CUEDC1: variants seen among roughly 807,000 people sequenced by gnomAD.
The protein encoded by CUEDC1 is CUE domain-containing protein 1.
Under a neutral mutation model 43.7 loss-of-function variants are expected in CUEDC1, and 30 were observed. The ratio of observed to expected loss-of-function variants is 0.69; its 90% CI spans 0.51 to 0.93. CUEDC1 has a LOEUF of 0.93. Ranked by LOEUF, CUEDC1 falls within the 40% of genes least tolerant of loss-of-function variation. The pLI, the probability that CUEDC1 is intolerant of heterozygous loss-of-function variation, is 0.00. For missense variants in CUEDC1, 486 were observed against 549.0 expected (o/e 0.89, Z 1.15); for synonymous variants, 223 against 223.6 (o/e 1.00, Z 0.02).
chr17:57,904,117 C>T (rs2074502558), intron 1 of CUEDC1, among the ~76,000 whole-genome samples: 1 of 152,072 alleles, frequency 6.6e-6, no homozygotes, highest in Admixed American at 6.5e-5. Context: ...AGATGAAAGA[C>T]ACCCCCTCAC....
At chr17:57,896,096 G>A (rs2074405217) in intron 1 of CUEDC1, among the ~76,000 whole-genome samples, 1 of 152,152 alleles carries the variant, frequency 6.6e-6, no homozygotes, top group South Asian at 2.1e-4. Flanking sequence ...GGAGTGCTCA[G>A]GATGGGCAGA....
At chr17:57,863,347 GTC>G (rs1241789433) in intron 10 of CUEDC1, 62 bp from the exon 11 acceptor site, 1 of 152,334 alleles carries the variant, frequency 6.6e-6, no homozygotes, top group Non-Finnish European at 1.5e-5. Context: ...GTCTTTCCTG[GTC>G]ACTGGTTCCT....
At chr17:57,916,627 A>C (rs1232439248) in intron 1 of CUEDC1, among the ~76,000 whole-genome samples, 1 of 152,168 alleles carries the variant, frequency 6.6e-6, no homozygotes, top group East Asian at 1.9e-4. Flanking sequence ...GATGAAAGGT[A>C]ATCAGTGGAT....
chr17:57,941,662 A>G (rs567050460), intron 1 of CUEDC1, among the ~76,000 whole-genome samples: 5 of 152,314 alleles, frequency 3.3e-5, no homozygotes, highest in African/African-American at 1.2e-4. Context: ...AACCAAATAA[A>G]CACCTCACCA....
Position 57,885,327 on chromosome 17 carries a change from T to C in CUEDC1, c.238A>G (p.Thr80Ala). The C allele has an allele frequency of 6.2e-7, 1 of 1,611,718 alleles. No homozygotes were observed. ...LRANSGAVDATIDQLLQMNLE... is the reference protein window; with the variant it reads ...LRANSGAVDAAIDQLLQMNLE... ...TTCATCTGCAGCAGCTGGTCGATGG[T>C]GGCGTCCACAGCGCCGCTGTTGGCG... The change falls in exon 2 of 11, where the codon ACC (threonine) becomes GCC (alanine). Residue 80 changes from threonine to alanine, a missense_variant. By Grantham distance (58) the Thr-to-Ala change is moderately conservative (BLOSUM62 0). Coordinates refer to ENST00000577830, the MANE Select transcript of CUEDC1 (RefSeq NM_001271875.2).
intron 10 of CUEDC1, among the ~76,000 whole-genome samples, chr17:57,866,040 C>G (rs1295585046): frequency 6.6e-6 from 1 of 152,044 alleles, no homozygotes; most frequent in African/African-American, 2.4e-5. Context: ...CCAGGCTGGT[C>G]TCGAACTCCT....
intron 1 of CUEDC1, among the ~76,000 whole-genome samples, chr17:57,908,567 C>G (rs531173023): frequency 6.6e-6 from 1 of 152,310 alleles, no homozygotes; most frequent in Non-Finnish European, 1.5e-5. Context: ...CTTGAGATAA[C>G]GATATTTAAA....
rs1221718366 is a variant in CUEDC1 at position 57,885,366 on chromosome 17, C to T, written c.199G>A (p.Glu67Lys). Reference protein sequence around the residue: ...MFPNMDYDIIECVLRANSGAV... With the variant: ...MFPNMDYDIIKCVLRANSGAV... ...CCGCTGTTGGCGCGCAGCACGCATT[C>T]GATGATGTCGTAATCCATGTTGGGG... The change falls in exon 2 of 11, where the codon GAA becomes AAA. Residue 67 changes from glutamate to lysine, a missense_variant. Glu to Lys is a moderately conservative substitution (Grantham distance 56). Coordinates refer to ENST00000577830, the MANE Select transcript of CUEDC1 (RefSeq NM_001271875.2). 6 of 1,612,264 alleles carry T rather than the reference C, an allele frequency of 3.7e-6. No homozygotes were observed. Among genetic ancestry groups the T allele is most frequent in the Middle Eastern group, 1.6e-4 (1 of 6,062 alleles).
At chr17:57,876,243 T>C (rs2074124403) in intron 3 of CUEDC1, among the ~76,000 whole-genome samples, 1 of 152,076 alleles carries the variant, frequency 6.6e-6, no homozygotes, top group Non-Finnish European at 1.5e-5. Context: ...ACAGGGCCTT[T>C]GATCTGCTTG....
chr17:57,919,514 T>C (rs1215081231), intron 1 of CUEDC1, among the ~76,000 whole-genome samples: 1 of 152,186 alleles, frequency 6.6e-6, no homozygotes, highest in Non-Finnish European at 1.5e-5. Flanking sequence ...ACACAGTTGT[T>C]CAAAATTCTT....
In CUEDC1 at chr17:57,866,632, G is replaced by C. The variant is rs760289635; in HGVS notation, c.1094-88C>G. The stretch of plus-strand genomic sequence containing the variant: ...CTAGACTGGGCAAGAGAGCTGACCC[G>C]ACTCTCTCTGCCCCCTTCATTTGGG... On this transcript the variant is annotated intron_variant, in intron 9 of 10. Coordinates refer to ENST00000577830, the MANE Select transcript of CUEDC1 (RefSeq NM_001271875.2). The C allele has an allele frequency of 3.1e-6, 4 of 1,275,372 alleles. No homozygotes were observed. The African/African-American group carries it at 5.9e-5, about 19-fold the overall frequency. 79.0% of individuals were successfully genotyped at this position (1,275,372 alleles called of 1,614,324 possible). A position where few individuals can be genotyped will look rare whatever the true frequency, so the allele number is the denominator to read the frequency against.
intron 1 of CUEDC1, among the ~76,000 whole-genome samples, chr17:57,938,820 G>A (rs544636239): frequency 2.0e-3 from 306 of 151,660 alleles, no homozygotes; most frequent in Middle Eastern, 6.8e-3. Flanking sequence ...GTGCCACCAC[G>A]CCCGGCTAAT....
At chr17:57,933,176 C>A (rs2074825717) in intron 1 of CUEDC1, among the ~76,000 whole-genome samples, 1 of 149,388 alleles carries the variant, frequency 6.7e-6, no homozygotes, top group Non-Finnish European at 1.5e-5. Flanking sequence ...CCAGCACTAG[C>A]AGAATCAGAC....
intron 1 of CUEDC1, among the ~76,000 whole-genome samples, chr17:57,899,930 C>T (rs560354759): frequency 1.3e-5 from 2 of 151,498 alleles, no homozygotes; most frequent in Non-Finnish European, 2.9e-5. Context: ...CAGATGAGGC[C>T]CTGGGATCCC....
In CUEDC1 at chr17:57,873,715, A is replaced by T; in HGVS notation, c.467T>A (p.Ile156Asn). ...PLAPPTPPPRIDALGSGAPTS... is the reference protein window; with the variant it reads ...PLAPPTPPPRNDALGSGAPTS... ...AGGGGCTCCAGAGCCCAGCGCGTCG[A>T]TACTAGGGGATGGCAGGTGACAGGG... is the stretch of plus-strand genomic sequence containing the variant. Residue 156 changes from isoleucine (I) to asparagine (N), a missense_variant and splice_region_variant, in exon 4 of 11, where the codon ATC (isoleucine) becomes AAC (asparagine). Coordinates refer to ENST00000577830, the MANE Select transcript of CUEDC1 (RefSeq NM_001271875.2). 2 of 1,571,684 alleles carry T rather than the reference A, an allele frequency of 1.3e-6. No individual in the cohort carries two copies. Among genetic ancestry groups the T allele is most frequent in the Non-Finnish European group, 1.7e-6 (2 of 1,156,892 alleles).
intron 10 of CUEDC1, among the ~76,000 whole-genome samples, chr17:57,866,069 C>T (rs1392446008): frequency 6.6e-6 from 1 of 152,090 alleles, no homozygotes; most frequent in Non-Finnish European, 1.5e-5. Context: ...CTGATCCACC[C>T]ACCTTGGCCT....
intron 5 of CUEDC1, 109 bp downstream of exon 5, chr17:57,872,554 G>T: frequency 8.1e-7 from 1 of 1,230,280 alleles, no homozygotes. Flanking sequence ...AGGACAGAAA[G>T]CACCTGGCCC....
Position 57,954,960 on chromosome 17 carries a change from C to A in CUEDC1, c.-316+265G>T, listed in dbSNP as rs1467366544. Among the ~76,000 whole-genome samples the A allele has an allele frequency of 1.3e-5, 2 of 151,702 alleles. No individual in the cohort carries two copies. Among genetic ancestry groups the A allele is most frequent in the East Asian group, 3.9e-4 (2 of 5,162 alleles). ...CCCGGCCCCCCAGATGCCCGCACGC[C>A]CCCCGCGCCCGGGGCCCGGGATGAG... is the stretch of plus-strand genomic sequence containing the variant. On this transcript the variant is annotated intron_variant, in intron 1 of 10. Transcript: ENST00000577830. This position sits in a 1 kb window ranked among gnomAD's most constrained non-coding sequence, Gnocchi z 4.3.
intron 2 of CUEDC1, among the ~76,000 whole-genome samples, chr17:57,884,296 C>T (rs1419060078): frequency 8.2e-5 from 12 of 145,566 alleles, no homozygotes; most frequent in African/African-American, 3.1e-4. Context: ...CTCCCGGGTT[C>T]AGGCGATTCT....
Sources: gnomAD v4.1 joint callset for allele counts (sites outside exome capture counted in the v4.1 genomes callset) on GRCh38, gnomAD v4.1.1 for gene constraint, Gnocchi (gnomAD v3.1) non-coding constraint, MANE v1.5 for transcripts, NCBI Gene and HGNC (gene_info 2026-07-23, HGNC 2026-07-21) for gene names.